The following ESR2 variants were observed in gnomAD, a reference collection of about 807,000 sequenced individuals.
ESR2 encodes the protein estrogen receptor beta.
ESR2 carries 36 observed loss-of-function variants against 49.6 expected under a neutral mutation model. That is an observed-to-expected ratio of 0.73 (90% CI 0.56 to 0.96). The LOEUF (loss-of-function observed/expected upper bound fraction) is 0.96, where lower values mean the gene tolerates loss of function less well. ESR2 is among the 40% of genes least tolerant of loss of function. The pLI is 0.00. For synonymous variants in ESR2, 320 were observed against 266.1 expected (o/e 1.20, Z -1.97); for missense variants, 714 against 693.0 (o/e 1.03, Z -0.34).
rs2098724459 is a variant in ESR2 at position 64,228,523 on chromosome 14, T to C, written c.*4614A>G. Among the ~76,000 whole-genome samples the C allele has an allele frequency of 6.6e-6, 1 of 152,178 alleles. No homozygotes were observed. Among genetic ancestry groups the C allele is most frequent in the South Asian group, 2.1e-4 (1 of 4,826 alleles). ...TGCAAATGAAGTCAACAAATTAGTG[T>C]AATGATACAAAGCATTCGTCTGAGA... On this transcript the variant is annotated 3_prime_UTR_variant, in exon 9 of 9. Transcript: ENST00000341099.
chr14:64,308,191 T>G (rs2077134426), intron 1 of ESR2, among the ~76,000 whole-genome samples: 1 of 152,002 alleles, frequency 6.6e-6, no homozygotes, highest in Non-Finnish European at 1.5e-5. Flanking sequence ...ATTTTTGTAT[T>G]TTTTGTAGAG....
At chr14:64,252,425 C>A (rs577588698) in intron 6 of ESR2, among the ~76,000 whole-genome samples, 2 of 152,260 alleles carry the variant, frequency 1.3e-5, no homozygotes, top group South Asian at 4.1e-4. Flanking sequence ...CACTATCTGT[C>A]CATAAACTAC....
chr14:64,337,770 C>A (rs536011746), intron 1 of ESR2: 1 of 152,156 alleles, frequency 6.6e-6, no homozygotes, highest in Non-Finnish European at 1.5e-5. Flanking sequence ...ATACTAAAAG[C>A]CCCCCAAATT....
chr14:64,254,705 C>G (rs1480208111), intron 6 of ESR2, among the ~76,000 whole-genome samples: 3 of 151,952 alleles, frequency 2.0e-5, no homozygotes, highest in Non-Finnish European at 4.4e-5. Context: ...TTGCAGTGAG[C>G]TGAGATCATG....
chr14:64,298,710 C>G (rs976987894), upstream of ESR2, among the ~76,000 whole-genome samples: 16 of 152,288 alleles, frequency 1.1e-4, no homozygotes, highest in South Asian at 6.2e-4. Flanking sequence ...CACCTGCAGC[C>G]AACTCTTTCT....
chr14:64,232,056 A>G lies in ESR2; in HGVS notation c.*1081T>C, dbSNP rs1280910936. 6.6e-6 allele frequency: 1 copy of G among 152,208 alleles called. No individual in the cohort carries two copies. The highest frequency in any genetic ancestry group is 2.4e-5 in the African/African-American group (1 of 41,438). The allele number at this position is 152,208 out of a possible 1,614,324, so 9.4% of individuals were successfully genotyped here. On this transcript the variant is annotated 3_prime_UTR_variant, in exon 9 of 9. Coordinates refer to ENST00000341099, the MANE Select transcript of ESR2 (RefSeq NM_001437.3). The stretch of plus-strand genomic sequence containing the variant: ...AAATATTTCTCTTTAAGGAGAGTTC[A>G]CAAACTGGGTCTTGTTCAAGGGGCG...
intron 4 of ESR2, among the ~76,000 whole-genome samples, chr14:64,265,177 G>A (rs1032287995): frequency 3.9e-5 from 6 of 152,116 alleles, no homozygotes; most frequent in Non-Finnish European, 8.8e-5. Flanking sequence ...CTGTAACCTA[G>A]GCAGCTGCCT....
chr14:64,299,833 C>T (rs752592752), intron 1 of ESR2, among the ~76,000 whole-genome samples: 1 of 152,172 alleles, frequency 6.6e-6, no homozygotes, highest in African/African-American at 2.4e-5. Context: ...TGAACTTCTC[C>T]AAGTAGTTCA....
chr14:64,305,758 G>T (rs2140873971), intron 1 of ESR2, among the ~76,000 whole-genome samples: 1 of 152,224 alleles, frequency 6.6e-6, no homozygotes, highest in South Asian at 2.1e-4. Context: ...TGTCCATCTG[G>T]TTGATGCAGT....
intron 5 of ESR2, among the ~76,000 whole-genome samples, chr14:64,258,921 C>T (rs1438415117): frequency 2.0e-5 from 3 of 152,106 alleles, no homozygotes; most frequent in Admixed American, 6.5e-5. Flanking sequence ...AAAAAAATCA[C>T]GCCTTCAGAT....
In ESR2 at chr14:64,231,903, A is replaced by AC. The variant is rs2098727608; in HGVS notation, c.*1233_*1234insG. On this transcript the variant is annotated 3_prime_UTR_variant, in exon 9 of 9. Coordinates refer to ENST00000341099, the MANE Select transcript of ESR2 (RefSeq NM_001437.3). ...CATGTCCTATTTATGTTCCACTTGG[A>AC]ATAAGAACTAATATTTTTACTGTTT... The AC allele has an allele frequency of 6.6e-6, 1 of 152,214 alleles. No homozygotes were observed. The allele number at this position is 152,214 out of a possible 1,614,324, so 9.4% of individuals were successfully genotyped here.
chr14:64,251,742 G>A (rs891106069), intron 6 of ESR2, among the ~76,000 whole-genome samples: 1 of 152,140 alleles, frequency 6.6e-6, no homozygotes, highest in African/African-American at 2.4e-5. Context: ...AGGTGTGACA[G>A]TCAACCATTT....
At chr14:64,236,232 C>G (rs1001903824) in intron 7 of ESR2, among the ~76,000 whole-genome samples, 1 of 152,216 alleles carries the variant, frequency 6.6e-6, no homozygotes, top group African/African-American at 2.4e-5. Context: ...TTTGCCACAT[C>G]CCTAGGGACC....
intron 7 of ESR2, among the ~76,000 whole-genome samples, chr14:64,242,041 C>T (rs557585479): frequency 1.3e-5 from 2 of 152,222 alleles, no homozygotes; most frequent in Non-Finnish European, 2.9e-5. Flanking sequence ...GAGGAAGTTT[C>T]CTTCTATTCC....
downstream of ESR2, chr14:64,227,854 C>A: frequency 6.3e-7 from 1 of 1,592,202 alleles, no homozygotes; most frequent in Non-Finnish European, 8.5e-7. Context: ...CTTTCATTGC[C>A]CACATGCAAG....
chr14:64,233,495 TCAAGGG>T (rs2098729336), intron 8 of ESR2, 172 bp from the exon 9 acceptor site: 2 of 617,510 alleles, frequency 3.2e-6, no homozygotes, highest in East Asian at 5.5e-5. Flanking sequence ...TAATTTAGGC[TCAAGGG>T]CAAGGACGAT....
chr14:64,233,697 C>A, intron 8 of ESR2: 1 of 201,694 alleles, frequency 5.0e-6, no homozygotes, highest in Non-Finnish European at 1.0e-5. Context: ...CTGATCAATA[C>A]AAAACCTTGT....
At chr14:64,300,943 G>A (rs2077014746) in intron 1 of ESR2, among the ~76,000 whole-genome samples, 1 of 152,126 alleles carries the variant, frequency 6.6e-6, no homozygotes, top group Admixed American at 6.5e-5. Flanking sequence ...TGATGAGGAG[G>A]AGGCTATAAC....
At chr14:64,267,334 C>T (rs777197641) in intron 4 of ESR2, among the ~76,000 whole-genome samples, 3 of 151,036 alleles carry the variant, frequency 2.0e-5, no homozygotes, top group African/African-American at 4.9e-5. Context: ...TAATGTGAAG[C>T]GGTGGGAATG....
Sources: gnomAD v4.1 joint callset for allele counts (sites outside exome capture counted in the v4.1 genomes callset) on GRCh38, gnomAD v4.1.1 for gene constraint, MANE v1.5 for transcripts, NCBI Gene and HGNC (gene_info 2026-07-23, HGNC 2026-07-21) for gene names.